Variants in MICOS10 observed in about 807,000 individuals in gnomAD.
MICOS10 encodes MICOS complex subunit MIC10.
A neutral mutation model predicts 13.4 loss-of-function variants in MICOS10; 5 were observed. The ratio of observed to expected loss-of-function variants is 0.37; its 90% confidence interval spans 0.20 to 0.78. The LOEUF (loss-of-function observed/expected upper bound fraction) is 0.78, where lower values mean the gene tolerates loss of function less well. Ranked by LOEUF, MICOS10 falls within the 30% of genes least tolerant of loss-of-function variation. The pLI is 0.47. For missense variants in MICOS10, 101 were observed against 94.6 expected, an observed-to-expected ratio of 1.07 and a Z score of -0.28; for synonymous variants, 35 against 33.6, an observed-to-expected ratio of 1.04 and a Z score of -0.15.
Position 19,626,601 on chromosome 1 carries a change from G to A in MICOS10, c.*200G>A. On this transcript the variant is annotated 3_prime_UTR_variant, in exon 4 of 4. Coordinates refer to ENST00000322753, the MANE Select transcript of MICOS10 (RefSeq NM_001032363.4). Reference sequence around the variant, plus strand: ...TCTCTCTGGAAGTTGTAAGGAGGTGGTCTTAAATAAATTAAACAAAAAGAG... The same window carrying A: ...TCTCTCTGGAAGTTGTAAGGAGGTGATCTTAAATAAATTAAACAAAAAGAG... 2 of 605,400 alleles carry A rather than the reference G, an allele frequency of 3.3e-6. No homozygotes were observed. Among genetic ancestry groups the A allele is most frequent in the South Asian group, 4.1e-5 (2 of 48,858 alleles). The allele number at this position is 605,400 out of a possible 1,614,324, so 37.5% of individuals were successfully genotyped here. A position where few individuals can be genotyped will look rare whatever the true frequency, so the allele number is the denominator to read the frequency against.
chr1:19,606,453 A>C (rs2094835088), intron 1 of MICOS10, among the ~76,000 whole-genome samples: 1 of 152,226 alleles, frequency 6.6e-6, no homozygotes, highest in African/African-American at 2.4e-5. Context: ...TTGTTACGAA[A>C]GTATGGCCAG....
intron 1 of MICOS10, among the ~76,000 whole-genome samples, chr1:19,603,843 G>A (rs2094825144): frequency 6.6e-6 from 1 of 152,328 alleles, no homozygotes; most frequent in East Asian, 1.9e-4. Context: ...GATGAAGGCA[G>A]GGAGGAGATG....
chr1:19,626,465 A>G lies in MICOS10; in HGVS notation c.*64A>G. 2 of 1,581,882 alleles carry G rather than the reference A, an allele frequency of 1.3e-6. No individual in the cohort carries two copies. The highest frequency in any genetic ancestry group is 2.2e-5 in the South Asian group (2 of 89,776). ...TCATGTTTATTCCTCAGGAATACTG[A>G]AGTGCCCTGGAGTAAGCTGCCATTC... On this transcript the variant is annotated 3_prime_UTR_variant, in exon 4 of 4. Transcript: ENST00000322753.
chr1:19,614,150 A>G (rs1018370304), intron 1 of MICOS10, among the ~76,000 whole-genome samples: 4 of 151,994 alleles, frequency 2.6e-5, no homozygotes, highest in Non-Finnish European at 5.9e-5. Context: ...ATGTCAGCTC[A>G]CTGCAACCTC....
At position 19,597,003 on chromosome 1, in the gene MICOS10, C is replaced by CG; in HGVS notation, c.-38dup. 3 of 1,562,510 alleles carry CG rather than the reference C, an allele frequency of 1.9e-6. No individual in the cohort carries two copies. Among genetic ancestry groups the CG allele is most frequent in the Non-Finnish European group, 2.6e-6 (3 of 1,157,774 alleles). ...CGCGAGACTTTCAGGGGTCGGAGCG[C>CG]GGGGGCCGGCCGAGAGGAAAGCTGG... On this transcript the variant is annotated 5_prime_UTR_variant, in exon 1 of 4. Coordinates refer to ENST00000322753, the MANE Select transcript of MICOS10 (RefSeq NM_001032363.4).
At chr1:19,597,460 C>A (rs974037317) in intron 1 of MICOS10, among the ~76,000 whole-genome samples, 2 of 152,206 alleles carry the variant, frequency 1.3e-5, no homozygotes, top group Non-Finnish European at 2.9e-5. Context: ...GGTGCATTCC[C>A]CGGCACGCGG....
At chr1:19,620,524 A>C (rs1411937546) in intron 1 of MICOS10, among the ~76,000 whole-genome samples, 1 of 152,214 alleles carries the variant, frequency 6.6e-6, no homozygotes, top group Non-Finnish European at 1.5e-5. Flanking sequence ...GAAATGAGGG[A>C]AAAATCACCT....
chr1:19,608,333 G>C, intron 1 of MICOS10: 1 of 1,305,522 alleles, frequency 7.7e-7, no homozygotes, highest in Non-Finnish European at 1.1e-6. Flanking sequence ...GCCATATGCT[G>C]CTATGTTGAC....
At chr1:19,610,367 C>CTTTTTTTTTTTT (rs773668659) in intron 1 of MICOS10, among the ~76,000 whole-genome samples, 1 of 11,914 alleles carries the variant, frequency 8.4e-5, no homozygotes, top group Non-Finnish European at 1.6e-4. Flanking sequence ...CACCCCCCGG[C>CTTTTTTTTTTTT]TTTTTTTTTT....
intron 1 of MICOS10, among the ~76,000 whole-genome samples, chr1:19,621,058 C>T (rs1000884736): frequency 6.6e-6 from 1 of 152,228 alleles, no homozygotes; most frequent in Non-Finnish European, 1.5e-5. Flanking sequence ...TCCTTTACCT[C>T]ATTTTCTAGT....
At chr1:19,621,055 C>T (rs1274050978) in intron 1 of MICOS10, among the ~76,000 whole-genome samples, 4 of 152,214 alleles carry the variant, frequency 2.6e-5, no homozygotes, top group Non-Finnish European at 5.9e-5. Flanking sequence ...AAATCCTTTA[C>T]CTCATTTTCT....
At chr1:19,619,046 A>G (rs2094894543) in intron 1 of MICOS10, among the ~76,000 whole-genome samples, 2 of 152,262 alleles carry the variant, frequency 1.3e-5, no homozygotes, top group Non-Finnish European at 2.9e-5. Context: ...AATAATTGCC[A>G]TAAGTTATTG....
At chr1:19,625,689 CAG>C (rs2094919527) in intron 3 of MICOS10, 2 of 1,241,314 alleles carry the variant, frequency 1.6e-6, no homozygotes, top group Non-Finnish European at 2.1e-6. Flanking sequence ...GATAATGGCT[CAG>C]GGGTGATTAT....
In MICOS10 at chr1:19,629,333, G is replaced by A. The variant is rs2094931425; in HGVS notation, c.*2932G>A. 6.6e-6 allele frequency: 1 copy of A among 152,256 alleles called. No homozygotes were observed. Among genetic ancestry groups the A allele is most frequent in the Non-Finnish European group, 1.5e-5 (1 of 68,048 alleles). 9.4% of individuals were successfully genotyped at this position (152,256 alleles called of 1,614,324 possible). A position where few individuals can be genotyped will look rare whatever the true frequency, so the allele number is the denominator to read the frequency against. The stretch of plus-strand genomic sequence containing the variant: ...GGGCACAGGATGCTAGGATAAAGCT[G>A]TGGCGCCCCAAAAGTGGCCTGCTCT... On this transcript the variant is annotated 3_prime_UTR_variant, in exon 4 of 4. Coordinates refer to ENST00000322753, the MANE Select transcript of MICOS10 (RefSeq NM_001032363.4).
intron 1 of MICOS10, among the ~76,000 whole-genome samples, chr1:19,603,140 G>T (rs2094822059): frequency 6.6e-6 from 1 of 151,990 alleles, no homozygotes; most frequent in African/African-American, 2.4e-5. Flanking sequence ...GACCAGCCTG[G>T]ACAACATGGC....
intron 1 of MICOS10, chr1:19,608,362 G>T (rs777478459): frequency 7.9e-7 from 1 of 1,263,952 alleles, no homozygotes; most frequent in South Asian, 1.2e-5. Context: ...ATGTGGCCCA[G>T]AGGTGCAAGG....
At chr1:19,612,814 A>G (rs559687995) in intron 1 of MICOS10, among the ~76,000 whole-genome samples, 1 of 152,292 alleles carries the variant, frequency 6.6e-6, no homozygotes, top group African/African-American at 2.4e-5. Flanking sequence ...CATTCTTTCA[A>G]CACCTTTTCA....
chr1:19,617,991 C>T (rs1012801581), intron 1 of MICOS10, among the ~76,000 whole-genome samples: 3 of 151,918 alleles, frequency 2.0e-5, no homozygotes, highest in Non-Finnish European at 2.9e-5. Context: ...CAATGAAATA[C>T]AGTCAACTGT....
intron 3 of MICOS10, among the ~76,000 whole-genome samples, chr1:19,626,070 T>C (rs1202592758): frequency 6.6e-6 from 1 of 152,164 alleles, no homozygotes; most frequent in Non-Finnish European, 1.5e-5. Flanking sequence ...GGCCATGTAG[T>C]TCGTAGGCTG....
Sources: allele counts gnomAD v4.1 joint callset (sites outside exome capture counted in the v4.1 genomes callset), GRCh38; gene constraint gnomAD v4.1.1; transcripts MANE v1.5; gene names NCBI Gene and HGNC (gene_info 2026-07-23, HGNC 2026-07-21).